The following THSD7A variants were observed in gnomAD, a reference collection of about 807,000 sequenced individuals.
THSD7A encodes the protein thrombospondin type-1 domain-containing protein 7A.
THSD7A carries 96 observed loss-of-function variants against 231.3 expected under a neutral mutation model. The ratio of observed to expected loss-of-function variants is 0.41; its 90% CI spans 0.35 to 0.49. The LOEUF is 0.49. Among genes scored for constraint, THSD7A ranks in the 20% least tolerant of loss-of-function variants. THSD7A has a pLI of 0.05. For missense variants in THSD7A, 2,290 were observed against 2,070.2 expected, an observed-to-expected ratio of 1.11 and a Z score of -2.06; for synonymous variants, 940 against 743.3, an observed-to-expected ratio of 1.26 and a Z score of -4.30.
At chr7:11,400,827 T>C (rs954358975) in intron 23 of THSD7A, among the ~76,000 whole-genome samples, 10 of 152,202 alleles carry the variant, frequency 6.6e-5, no homozygotes, top group Non-Finnish European at 1.2e-4. Context: ...CTTGCTACTA[T>C]GTCATATTAC....
intron 23 of THSD7A, among the ~76,000 whole-genome samples, chr7:11,396,259 A>G (rs1467955646): frequency 6.6e-6 from 1 of 152,206 alleles, no homozygotes; most frequent in Admixed American, 6.5e-5. Flanking sequence ...GAGTAAATTC[A>G]AAAGCTAGCA....
chr7:11,528,452 T>C (rs1406534395), intron 6 of THSD7A, among the ~76,000 whole-genome samples: 1 of 152,102 alleles, frequency 6.6e-6, no homozygotes, highest in African/African-American at 2.4e-5. Flanking sequence ...GTAAGATCCA[T>C]CCCAGCAAGC....
chr7:11,755,462 G>A lies in THSD7A; in HGVS notation c.190+76295C>T, dbSNP rs775968112. 7.1e-4 allele frequency among the ~76,000 whole-genome samples: 108 copies of A among 152,040 alleles called. 1 individual carries two copies. Among genetic ancestry groups the A allele is most frequent in the Admixed American group, 3.3e-4 (5 of 15,246 alleles). On this transcript the variant is annotated intron_variant, in intron 1 of 27. Coordinates refer to ENST00000423059, the MANE Select transcript of THSD7A (RefSeq NM_015204.3). ...TTGGACACTACAAGATAGTAAATGG[G>A]GAGAAATGCTTATGAAAGCCAAAAG...
rs1311666543 is a variant in THSD7A, at chr7:11,541,741, A to G, written c.1610-110T>C. 3.9e-6 allele frequency: 4 copies of G among 1,029,236 alleles called. No homozygotes were observed. The East Asian group carries it at 1.0e-4, about 27-fold the overall frequency. The allele number at this position is 1,029,236 out of a possible 1,614,324, so 63.8% of individuals were successfully genotyped here. A position where few individuals can be genotyped will look rare whatever the true frequency, so the allele number is the denominator to read the frequency against. On this transcript the variant is annotated intron_variant, in intron 5 of 27. Transcript: ENST00000423059. ...TTGGATAAGAGTGGAGGTAGAAGTC[A>G]TTTCTGTTTTGAGTCACTGGTGTAT...
At chr7:11,451,180 C>T (rs979769966) in intron 11 of THSD7A, among the ~76,000 whole-genome samples, 1 of 151,900 alleles carries the variant, frequency 6.6e-6, no homozygotes, top group Non-Finnish European at 1.5e-5. Flanking sequence ...AAAAAGGGAG[C>T]TATAACTGTT....
chr7:11,612,617 A>G (rs1780972497), intron 2 of THSD7A, among the ~76,000 whole-genome samples: 1 of 152,208 alleles, frequency 6.6e-6, no homozygotes, highest in Non-Finnish European at 1.5e-5. Context: ...AAGTATCAGA[A>G]GCGATGTTAT....
At chr7:11,664,463 T>A (rs1783045436) in intron 1 of THSD7A, among the ~76,000 whole-genome samples, 1 of 151,914 alleles carries the variant, frequency 6.6e-6, no homozygotes, top group Admixed American at 6.6e-5. Flanking sequence ...TGTATTAGAA[T>A]AAATACATCA....
intron 16 of THSD7A, among the ~76,000 whole-genome samples, chr7:11,422,607 A>AT (rs1784183747): frequency 6.6e-6 from 1 of 151,782 alleles, no homozygotes. Context: ...GCAAAAAAAA[A>AT]AAAAAAAAAA....
rs547413081 is a variant in THSD7A, at chr7:11,420,256, C to G, written c.3384-2653G>C. On this transcript the variant is annotated intron_variant, in intron 16 of 27. Transcript: ENST00000423059. ...AACTTCATGACAGCCACTCCCATCA[C>G]AAGCCCAGAGGCCTAGGAGGGAAAT... is the stretch of plus-strand genomic sequence containing the variant. Among the ~76,000 whole-genome samples, 192 of 152,348 alleles carry G rather than the reference C, an allele frequency of 1.3e-3. 1 individual carries two copies. Among genetic ancestry groups the G allele is most frequent in the Middle Eastern group, 0.01 (3 of 294 alleles).
chr7:11,732,848 A>T (rs10231239), intron 1 of THSD7A, among the ~76,000 whole-genome samples: 110,786 of 151,584 alleles, frequency 0.73, 40,552 homozygotes, highest in South Asian at 0.79. Flanking sequence ...CCTCATACAG[A>T]TTCTTTTAAA....
intron 12 of THSD7A, 36 bp downstream of exon 12, chr7:11,447,194 G>A (rs1236164070): frequency 1.3e-6 from 2 of 1,595,606 alleles, no homozygotes; most frequent in African/African-American, 2.7e-5. Context: ...CCTCTACTTT[G>A]ACGTGTACTG....
At chr7:11,751,752 C>A (rs1431062182) in intron 1 of THSD7A, among the ~76,000 whole-genome samples, 3 of 151,624 alleles carry the variant, frequency 2.0e-5, no homozygotes, top group Non-Finnish European at 2.9e-5. Flanking sequence ...ATTGTTGCAC[C>A]GTTTAAAAAA....
At chr7:11,725,632 T>C (rs1781521075) in intron 1 of THSD7A, among the ~76,000 whole-genome samples, 1 of 152,032 alleles carries the variant, frequency 6.6e-6, no homozygotes, top group Non-Finnish European at 1.5e-5. Flanking sequence ...TAAACTGTCA[T>C]GTATTTTAAA....
chr7:11,647,890 T>C (rs1167215029), intron 1 of THSD7A, among the ~76,000 whole-genome samples: 7 of 152,062 alleles, frequency 4.6e-5, no homozygotes, highest in Non-Finnish European at 8.8e-5. Flanking sequence ...CACCCATCCC[T>C]GATACAATGG....
intron 6 of THSD7A, among the ~76,000 whole-genome samples, chr7:11,493,150 T>C (rs1393010129): frequency 3.3e-5 from 5 of 152,162 alleles, no homozygotes; most frequent in Non-Finnish European, 7.4e-5. Flanking sequence ...ACAGAAAGCA[T>C]CATTAGCTTG....
intron 2 of THSD7A, among the ~76,000 whole-genome samples, chr7:11,611,827 C>A: frequency 1.5e-5 from 2 of 135,146 alleles, no homozygotes; most frequent in African/African-American, 5.4e-5. Context: ...CACACACACA[C>A]ACACTATCAT....
At chr7:11,758,980 C>A (rs1782772714) in intron 1 of THSD7A, among the ~76,000 whole-genome samples, 1 of 152,010 alleles carries the variant, frequency 6.6e-6, no homozygotes, top group Non-Finnish European at 1.5e-5. Context: ...TCAAAAAAAA[C>A]TTAAGTAAAA....
At chr7:11,492,256 CT>C (rs1426700127) in intron 6 of THSD7A, among the ~76,000 whole-genome samples, 1 of 152,012 alleles carries the variant, frequency 6.6e-6, no homozygotes, top group African/African-American at 2.4e-5. Flanking sequence ...TAAAAACCAA[CT>C]TCAATTTGTA....
chr7:11,574,671 C>T lies in THSD7A; in HGVS notation c.1453+15789G>A, dbSNP rs969007791. ...CAGGATGGTCTCGATCTCCTGACCT[C>T]GTGATCCGCCCACCTCGGCCTCCCA... On this transcript the variant is annotated intron_variant, in intron 4 of 27. Coordinates refer to ENST00000423059, the MANE Select transcript of THSD7A (RefSeq NM_015204.3). Among the ~76,000 whole-genome samples the T allele has an allele frequency of 2.7e-4, 41 of 151,642 alleles. No homozygotes were observed. In the East Asian group the frequency reaches 8.0e-3, roughly 30 times the overall value.
Sources: allele counts gnomAD v4.1 joint callset (sites outside exome capture counted in the v4.1 genomes callset), GRCh38; gene constraint gnomAD v4.1.1; transcripts MANE v1.5; gene names NCBI Gene and HGNC (gene_info 2026-07-23, HGNC 2026-07-21).